CACHD1: variants seen among roughly 807,000 people sequenced by gnomAD.
CACHD1 encodes cache domain containing 1, also known as VWFA and cache domain-containing protein 1.
A neutral mutation model predicts 138.7 loss-of-function variants in CACHD1; 71 were observed. The ratio of observed to expected loss-of-function variants is 0.51; its 90% CI spans 0.42 to 0.62. CACHD1 has a LOEUF of 0.62. CACHD1 is among the 20% of genes least tolerant of loss of function. The pLI, the probability that CACHD1 is intolerant of heterozygous loss-of-function variation, is 0.00. For synonymous variants in CACHD1, 578 were observed against 591.5 expected, an observed-to-expected ratio of 0.98 and a Z score of 0.33; for missense variants, 1,389 against 1,625.3, an observed-to-expected ratio of 0.85 and a Z score of 2.50.
chr1:64,475,538 A>T (rs1489586306), intron 1 of CACHD1, among the ~76,000 whole-genome samples: 3 of 150,992 alleles, frequency 2.0e-5, no homozygotes, highest in Non-Finnish European at 4.4e-5. Context: ...CTTGGGTTAG[A>T]TTTTATTTAT....
At chr1:64,668,432 C>T (rs368705535) in intron 16 of CACHD1, among the ~76,000 whole-genome samples, 127 of 152,192 alleles carry the variant, frequency 8.3e-4, no homozygotes, top group South Asian at 1.7e-3. Context: ...GCACAAGACT[C>T]ACTTGAACCC....
intron 2 of CACHD1, among the ~76,000 whole-genome samples, chr1:64,566,484 C>CCCT (rs1553133835): frequency 4.9e-5 from 7 of 141,888 alleles, no homozygotes; most frequent in Non-Finnish European, 8.1e-5. Context: ...TCAATTCCCC[C>CCCT]CCCCCCACAA....
chr1:64,631,776 T>C (rs1402452087), intron 5 of CACHD1, among the ~76,000 whole-genome samples: 1 of 152,146 alleles, frequency 6.6e-6, no homozygotes. Flanking sequence ...CCCCCTTTTT[T>C]TCAATGTTGG....
intron 1 of CACHD1, among the ~76,000 whole-genome samples, chr1:64,480,886 C>CTTTTTTTTTTTTTTTT (rs530847374): frequency 5.0e-5 from 7 of 140,576 alleles, no homozygotes; most frequent in African/African-American, 1.6e-4. Flanking sequence ...CTCTCTCTCC[C>CTTTTTTTTTTTTTTTT]TTTTTTTTTT....
intron 2 of CACHD1, among the ~76,000 whole-genome samples, chr1:64,551,900 T>A (rs1646762153): frequency 6.6e-6 from 1 of 152,238 alleles, no homozygotes; most frequent in Non-Finnish European, 1.5e-5. Context: ...TTTGCTGTGC[T>A]AAGTCTTATC....
chr1:64,667,489 C>T (rs1187025339), intron 16 of CACHD1, among the ~76,000 whole-genome samples: 1 of 152,192 alleles, frequency 6.6e-6, no homozygotes, highest in Non-Finnish European at 1.5e-5. Context: ...AATCTGTCAG[C>T]TTCTCCCATC....
chr1:64,608,690 G>A (rs1388613558), intron 4 of CACHD1, among the ~76,000 whole-genome samples: 1 of 152,178 alleles, frequency 6.6e-6, no homozygotes, highest in Non-Finnish European at 1.5e-5. Flanking sequence ...GACAGTGCAT[G>A]TGTTATATTA....
chr1:64,593,333 C>T (rs1647122967), intron 3 of CACHD1, among the ~76,000 whole-genome samples: 1 of 152,122 alleles, frequency 6.6e-6, no homozygotes, highest in African/African-American at 2.4e-5. Context: ...AAGTTGGCAA[C>T]TCCTATTTTT....
intron 16 of CACHD1, among the ~76,000 whole-genome samples, chr1:64,668,326 C>CAA (rs531925361): frequency 3.4e-5 from 3 of 87,700 alleles, no homozygotes; most frequent in Non-Finnish European, 4.6e-5. Flanking sequence ...GACTGCATCT[C>CAA]AAAAAAAAAA....
intron 7 of CACHD1, among the ~76,000 whole-genome samples, chr1:64,636,640 AG>A (rs1648535144): frequency 1.3e-5 from 2 of 152,362 alleles, no homozygotes; most frequent in Admixed American, 1.3e-4. Context: ...CAAGGCCAAT[AG>A]AAGAGCATCT....
At chr1:64,606,742 G>A (rs991236154) in intron 4 of CACHD1, among the ~76,000 whole-genome samples, 2 of 152,174 alleles carry the variant, frequency 1.3e-5, no homozygotes, top group Admixed American at 6.5e-5. Context: ...GACAGTGGAG[G>A]TGATGAGAAG....
Position 64,550,676 on chromosome 1 carries a change from T to A in CACHD1, c.261+20T>A. The A allele has an allele frequency of 6.6e-7, 1 of 1,510,558 alleles. No homozygotes were observed. The highest frequency in any genetic ancestry group is 2.3e-5 in the East Asian group (1 of 44,276). 93.6% of individuals were successfully genotyped at this position (1,510,558 alleles called of 1,614,324 possible). A position where few individuals can be genotyped will look rare whatever the true frequency, so the allele number is the denominator to read the frequency against. On this transcript the variant is annotated intron_variant, in intron 2 of 26. Coordinates refer to ENST00000651257, the MANE Select transcript of CACHD1 (RefSeq NM_020925.4). ...CAGCAGGTAAGAGGCAATGAGTACTTGACACTCCCTGTCTTTGTCTTGCTT... is the reference window on the plus strand; with the variant it reads ...CAGCAGGTAAGAGGCAATGAGTACTAGACACTCCCTGTCTTTGTCTTGCTT...
intron 3 of CACHD1, among the ~76,000 whole-genome samples, chr1:64,586,961 A>G (rs554150595): frequency 3.8e-4 from 58 of 152,322 alleles, no homozygotes; most frequent in Middle Eastern, 6.8e-3. Context: ...GTTTATGCCT[A>G]TGGACTGTAT....
In CACHD1 at chr1:64,647,781, C is replaced by T. The variant is rs371855091; in HGVS notation, c.1157-20C>T. ...AAACCATTTTGCTTTCCGTGGTCTT[C>T]TCTCGGCTTTCCATTTTAGATGGGG... On this transcript the variant is annotated intron_variant, in intron 8 of 26. Coordinates refer to ENST00000651257, the MANE Select transcript of CACHD1 (RefSeq NM_020925.4). 16 of 1,610,620 alleles carry T rather than the reference C, an allele frequency of 9.9e-6. No homozygotes were observed. In the African/African-American group the frequency reaches 2.1e-4, roughly 22 times the overall value.
intron 2 of CACHD1, among the ~76,000 whole-genome samples, chr1:64,564,368 A>G (rs924308802): frequency 1.3e-5 from 2 of 152,008 alleles, no homozygotes; most frequent in African/African-American, 4.8e-5. Flanking sequence ...TCACCCTCCC[A>G]TAACTTGTGT....
chr1:64,474,820 T>C (rs1427137917), intron 1 of CACHD1, among the ~76,000 whole-genome samples: 3 of 152,236 alleles, frequency 2.0e-5, no homozygotes, highest in Non-Finnish European at 4.4e-5. Flanking sequence ...ACAAGGCCAG[T>C]GTGCCTGCCT....
Position 64,681,986 on chromosome 1 carries a change from T to C in CACHD1, c.3485-19T>C. The C allele has an allele frequency of 1.2e-6, 2 of 1,608,820 alleles. No individual in the cohort carries two copies. Among genetic ancestry groups the C allele is most frequent in the Non-Finnish European group, 1.7e-6 (2 of 1,175,200 alleles). On this transcript the variant is annotated intron_variant, in intron 25 of 26. Coordinates refer to ENST00000651257, the MANE Select transcript of CACHD1 (RefSeq NM_020925.4). ...ATACTGGCATAAGAGTGACATTAAC[T>C]GTCCTTGGCTTCCTACAGTCAGCAA...
chr1:64,521,765 A>G (rs558566639), intron 1 of CACHD1, among the ~76,000 whole-genome samples: 1 of 152,266 alleles, frequency 6.6e-6, no homozygotes, highest in Admixed American at 6.5e-5. Context: ...CAGTTTAATC[A>G]TTTGTGTATC....
chr1:64,567,117 T>C (rs1440317329), intron 2 of CACHD1, among the ~76,000 whole-genome samples: 5 of 152,124 alleles, frequency 3.3e-5, no homozygotes, highest in Non-Finnish European at 7.4e-5. Context: ...GAGGGAGAGA[T>C]TCTAAGCATA....
Sources: gnomAD v4.1 joint callset for allele counts (sites outside exome capture counted in the v4.1 genomes callset) on GRCh38, gnomAD v4.1.1 for gene constraint, MANE v1.5 for transcripts, NCBI Gene and HGNC (gene_info 2026-07-23, HGNC 2026-07-21) for gene names.